The following ALK variants were observed in gnomAD, a reference collection of about 807,000 sequenced individuals.
The protein encoded by ALK is ALK receptor tyrosine kinase.
A neutral mutation model predicts 163.1 loss-of-function variants in ALK; 74 were observed. The observed-to-expected ratio is 0.45, with a 90% confidence interval of 0.38 to 0.55. ALK has a LOEUF of 0.55. Ranked by LOEUF, ALK falls within the 20% of genes least tolerant of loss-of-function variation. The pLI, the probability that ALK is intolerant of heterozygous loss-of-function variation, is 0.00. For missense variants in ALK, 2,063 were observed against 2,105.3 expected, an observed-to-expected ratio of 0.98 and a Z score of 0.39; for synonymous variants, 960 against 843.2, an observed-to-expected ratio of 1.14 and a Z score of -2.40.
chr2:29,337,612 C>T (rs372833265), intron 5 of ALK, among the ~76,000 whole-genome samples: 5 of 152,074 alleles, frequency 3.3e-5, no homozygotes, highest in Admixed American at 6.6e-5. Flanking sequence ...GCCACAGGCT[C>T]TCTGGGTGAT....
At chr2:29,747,733 C>A (rs1003775913) in intron 1 of ALK, among the ~76,000 whole-genome samples, 3 of 152,224 alleles carry the variant, frequency 2.0e-5, no homozygotes, top group African/African-American at 7.2e-5. Context: ...TCAGTAATTT[C>A]TTGTGGGTTC....
chr2:29,794,726 T>C (rs1323401169), intron 1 of ALK, among the ~76,000 whole-genome samples: 1 of 152,154 alleles, frequency 6.6e-6, no homozygotes, highest in Non-Finnish European at 1.5e-5. Context: ...CACACAATTA[T>C]TGAATAACTT....
intron 3 of ALK, among the ~76,000 whole-genome samples, chr2:29,576,248 C>T (rs996991804): frequency 6.6e-6 from 1 of 152,198 alleles, no homozygotes. Context: ...AATAGTCTGG[C>T]TTACAAGTGT....
chr2:29,289,893 G>A (rs1421643828), intron 9 of ALK, among the ~76,000 whole-genome samples: 1 of 152,160 alleles, frequency 6.6e-6, no homozygotes, highest in African/African-American at 2.4e-5. Flanking sequence ...CAACAGCTGG[G>A]GCTTTACTGG....
chr2:29,209,528 G>A (rs1408024993), intron 25 of ALK, among the ~76,000 whole-genome samples: 1 of 135,360 alleles, frequency 7.4e-6, no homozygotes, highest in African/African-American at 2.8e-5. Context: ...GGCAACAAGA[G>A]CGAAACTCCG....
chr2:29,857,630 A>C (rs566326032), intron 1 of ALK, among the ~76,000 whole-genome samples: 202 of 152,334 alleles, frequency 1.3e-3, no homozygotes, highest in African/African-American at 4.1e-3. Flanking sequence ...GACCGATGTC[A>C]ACAAAATCAT....
rs1206066260 is a variant in ALK, at chr2:29,245,562, T to C, written c.2204+5543A>G. ...GTGCCCTGCACAAAGTAGGGCTTTATGGCTCAATGCCCTGCACACAGCAGG... is the reference window on the plus strand; with the variant it reads ...GTGCCCTGCACAAAGTAGGGCTTTACGGCTCAATGCCCTGCACACAGCAGG... On this transcript the variant is annotated intron_variant, in intron 12 of 28. Coordinates refer to ENST00000389048, the MANE Select transcript of ALK (RefSeq NM_004304.5). Among the ~76,000 whole-genome samples the C allele has an allele frequency of 2.3e-5, 3 of 131,592 alleles. No individual in the cohort carries two copies. The South Asian group carries it at 7.7e-4, about 34-fold the overall frequency. The allele number at this position is 131,592 out of a possible 152,430, so 86.3% of individuals were successfully genotyped here.
At chr2:29,376,924 A>C (rs1166375360) in intron 5 of ALK, among the ~76,000 whole-genome samples, 2 of 152,192 alleles carry the variant, frequency 1.3e-5, no homozygotes, top group Non-Finnish European at 2.9e-5. Context: ...GTGGAGAAGA[A>C]GGAGAGAGAG....
intron 1 of ALK, among the ~76,000 whole-genome samples, chr2:29,829,513 A>C (rs1355928264): frequency 1.1e-4 from 17 of 152,160 alleles, no homozygotes; most frequent in Admixed American, 1.1e-3. Context: ...CATGTTGCCC[A>C]AGACTATTAC....
rs560232038 is a variant in ALK, at chr2:29,520,273, T to A, written c.1154+11642A>T. On this transcript the variant is annotated intron_variant, in intron 4 of 28. Coordinates refer to ENST00000389048, the MANE Select transcript of ALK (RefSeq NM_004304.5). ...TTGAGTAGAAGGAAGTGAGTCGTTA[T>A]GAAGAACAGAGATGGAATTTTGGTC... Among the ~76,000 whole-genome samples, 204 of 152,332 alleles carry A rather than the reference T, an allele frequency of 1.3e-3. 1 individual carries two copies. The highest frequency in any genetic ancestry group is 4.2e-3 in the Admixed American group (64 of 15,304).
At chr2:29,337,926 C>A (rs1161969970) in intron 5 of ALK, among the ~76,000 whole-genome samples, 2 of 152,194 alleles carry the variant, frequency 1.3e-5, no homozygotes, top group East Asian at 3.8e-4. Context: ...GGGGTGAATG[C>A]TGACATAGCT....
intron 2 of ALK, among the ~76,000 whole-genome samples, chr2:29,707,013 G>C (rs1232876402): frequency 6.6e-6 from 1 of 150,726 alleles, no homozygotes; most frequent in Admixed American, 6.6e-5. Flanking sequence ...GTGTGTGTGT[G>C]TGTGTGTGTG....
At chr2:29,606,460 G>C (rs1675545118) in intron 3 of ALK, among the ~76,000 whole-genome samples, 1 of 152,216 alleles carries the variant, frequency 6.6e-6, no homozygotes, top group Non-Finnish European at 1.5e-5. Flanking sequence ...AAGCGTATTT[G>C]AGAGTGCTCC....
chr2:29,201,882 A>G (rs1329174452), intron 26 of ALK, among the ~76,000 whole-genome samples: 2 of 151,922 alleles, frequency 1.3e-5, no homozygotes, highest in East Asian at 3.9e-4. Flanking sequence ...AGCAATGTGC[A>G]GGATTTTCTT....
At chr2:29,729,654 C>G (rs1298306917) in intron 1 of ALK, among the ~76,000 whole-genome samples, 3 of 152,186 alleles carry the variant, frequency 2.0e-5, no homozygotes, top group African/African-American at 7.2e-5. Flanking sequence ...TCCCTCCCAG[C>G]TCCCACCCCC....
intron 2 of ALK, among the ~76,000 whole-genome samples, chr2:29,696,530 TAAAA>T (rs60320646): frequency 5.5e-4 from 57 of 103,816 alleles, no homozygotes; most frequent in East Asian, 2.7e-3. Context: ...CTTAAAGGAT[TAAAA>T]AAAAAAAAAA....
At chr2:29,326,923 C>A (rs143614618) in intron 6 of ALK, among the ~76,000 whole-genome samples, 56 of 152,314 alleles carry the variant, frequency 3.7e-4, no homozygotes, top group African/African-American at 1.3e-3. Flanking sequence ...CTGGGCCCCA[C>A]CCCAGGCACC....
At chr2:29,369,148 G>A (rs868818856) in intron 5 of ALK, among the ~76,000 whole-genome samples, 7 of 152,182 alleles carry the variant, frequency 4.6e-5, no homozygotes, top group African/African-American at 2.4e-5. Flanking sequence ...TCTACCTAGA[G>A]CCTTGCTTTT....
At chr2:29,237,152 C>T (rs1267621196) in intron 13 of ALK, among the ~76,000 whole-genome samples, 1 of 152,184 alleles carries the variant, frequency 6.6e-6, no homozygotes, top group African/African-American at 2.4e-5. Flanking sequence ...TTTCAAATTA[C>T]ACCCAGAATT....
Sources: gnomAD v4.1 joint callset for allele counts (sites outside exome capture counted in the v4.1 genomes callset) on GRCh38, gnomAD v4.1.1 for gene constraint, MANE v1.5 for transcripts, NCBI Gene and HGNC (gene_info 2026-07-23, HGNC 2026-07-21) for gene names.